Variants in NBPF9 observed in about 807,000 individuals in gnomAD.
The protein encoded by NBPF9 is NBPF member 9, also known as NBPF family member NBPF9.
A neutral mutation model predicts 97.8 loss-of-function variants in NBPF9; 91 were observed. That is an observed-to-expected ratio of 0.93 (90% CI 0.79 to 1.11). The LOEUF (loss-of-function observed/expected upper bound fraction) is 1.11. NBPF9 is among the 50% of genes least tolerant of loss of function. NBPF9 has a pLI of 0.00. For synonymous variants in NBPF9, 334 were observed against 359.5 expected (o/e 0.93, Z 0.80); for missense variants, 992 against 939.5 (o/e 1.06, Z -0.73).
intron 3 of NBPF9, among the ~76,000 whole-genome samples, chr1:149,100,997 T>C (rs1405498976): frequency 2.0e-5 from 3 of 150,468 alleles, no homozygotes; most frequent in Non-Finnish European, 4.4e-5. Context: ...CAGAAAAATG[T>C]GTTCATACTC....
At chr1:149,072,640 G>C in intron 14 of NBPF9, 78 bp downstream of exon 14, 1 of 1,521,582 alleles carries the variant, frequency 6.6e-7, no homozygotes. Flanking sequence ...TGATACAACT[G>C]TCATTGTGAA....
chr1:149,065,209 TCTGACAGACAACTC>T, intron 18 of NBPF9: 2 of 695,406 alleles, frequency 2.9e-6, no homozygotes, highest in Admixed American at 4.0e-5. Context: ...GATGAGCTGA[TCTGACAGACAACTC>T]CTGGGCATGT....
At chr1:149,071,021 T>C in exon 16 of NBPF9, 7 of 1,611,914 alleles carry the variant, frequency 4.3e-6, no homozygotes, top group Non-Finnish European at 5.9e-6. Context: ...TCAAATGTGA[T>C]TTTGGTTTTC....
Position 149,095,908 on chromosome 1 carries a change from T to C in NBPF9, c.-337+2530A>G, listed in dbSNP as rs1244945522. Among the ~76,000 whole-genome samples, 49 of 151,438 alleles carry C rather than the reference T, an allele frequency of 3.2e-4. No homozygotes were observed. In the South Asian group the frequency reaches 5.2e-3, roughly 16 times the overall value. ...TTAAGTTCATTCAAAATCCTGCACA[T>C]AAGTACTTGCAGCAATTTTATCATA... On this transcript the variant is annotated intron_variant, in intron 4 of 29. Coordinates refer to ENST00000584027, the Ensembl canonical transcript of NBPF9.
intron 7 of NBPF9, among the ~76,000 whole-genome samples, chr1:149,081,024 TTTC>T (rs1489824322): frequency 2.6e-5 from 4 of 151,938 alleles, no homozygotes; most frequent in African/African-American, 9.7e-5. Flanking sequence ...GGGTGTGATC[TTTC>T]TTCCTCTTTA....
exon 1 of NBPF9, chr1:149,103,437 A>T (rs1553244884): frequency 2.6e-5 from 4 of 152,284 alleles, no homozygotes; most frequent in Admixed American, 1.3e-4. Context: ...TTCACTCAGA[A>T]GCTCACGCTG....
chr1:149,059,246 G>C (rs1425687738), intron 25 of NBPF9, 149 bp from the exon 26 acceptor site: 2 of 457,776 alleles, frequency 4.4e-6, no homozygotes, highest in Admixed American at 7.0e-5. Flanking sequence ...CTTTAGGTTG[G>C]GATAGACCAG....
rs1168638663 is a variant in NBPF9 at position 149,076,660 on chromosome 1, G to A, written c.778+548C>T. On this transcript the variant is annotated intron_variant, in intron 11 of 29. Coordinates refer to ENST00000584027, the Ensembl canonical transcript of NBPF9. ...TGGGACTACAGGCGCCCACCACCACGCCCAGCTATTTTTTTTTTTTTGCAT... is the reference window on the plus strand; with the variant it reads ...TGGGACTACAGGCGCCCACCACCACACCCAGCTATTTTTTTTTTTTTGCAT... Among the ~76,000 whole-genome samples the A allele has an allele frequency of 5.5e-5, 8 of 145,790 alleles. No individual in the cohort carries two copies. The East Asian group carries it at 9.9e-4, about 18-fold the overall frequency.
chr1:149,062,274 G>A lies in NBPF9; in HGVS notation c.2079-9C>T, dbSNP rs587749334. ...GCAGCTCCCTGCTGAGCCTGGAAAA[G>A]TAGGAAAAAGTAAAGAATAAGCCAG... On this transcript the variant is annotated splice_polypyrimidine_tract_variant and intron_variant, in intron 21 of 29. Coordinates refer to ENST00000584027, the Ensembl canonical transcript of NBPF9. 6.6e-4 allele frequency: 436 copies of A among 660,262 alleles called. 2 individuals carry two copies. The Middle Eastern group carries it at 9.1e-3, about 14-fold the overall frequency. 40.9% of individuals were successfully genotyped at this position (660,262 alleles called of 1,614,324 possible). A position where few individuals can be genotyped will look rare whatever the true frequency, so the allele number is the denominator to read the frequency against.
At chr1:149,070,208 C>A (rs1406753872) in intron 16 of NBPF9, among the ~76,000 whole-genome samples, 2 of 150,720 alleles carry the variant, frequency 1.3e-5, no homozygotes, top group African/African-American at 4.9e-5. Flanking sequence ...GTGGTCCTAG[C>A]AACTCAGGAG....
rs587638122 is a variant in NBPF9 at position 149,075,490 on chromosome 1, G to A, written c.988+165C>T. 1.9e-4 allele frequency among the ~76,000 whole-genome samples: 29 copies of A among 152,246 alleles called. No individual in the cohort carries two copies. The South Asian group carries it at 5.6e-3, about 29-fold the overall frequency. On this transcript the variant is annotated intron_variant, in intron 12 of 29. Coordinates refer to ENST00000584027, the Ensembl canonical transcript of NBPF9. ...ACATGGAAAGTTGCTAAATACTTTG[G>A]TACCTCTGTCTTCCAACTTTGACAA...
At chr1:149,097,394 C>T (rs1330196429) in intron 4 of NBPF9, among the ~76,000 whole-genome samples, 1 of 152,140 alleles carries the variant, frequency 6.6e-6, no homozygotes, top group African/African-American at 2.4e-5. Context: ...CCCACTGTTG[C>T]CAGAAACACT....
At chr1:149,101,402 AAGTT>A (rs1435208300) in intron 2 of NBPF9, 23 bp from the exon 3 acceptor site, 7 of 148,248 alleles carry the variant, frequency 4.7e-5, no homozygotes, top group Non-Finnish European at 7.4e-5. Flanking sequence ...AGAAAAAAAA[AAGTT>A]AGAGAATCTC....
intron 16 of NBPF9, 129 bp downstream of exon 16, chr1:149,070,805 C>A: frequency 6.7e-7 from 1 of 1,490,790 alleles, no homozygotes; most frequent in Non-Finnish European, 9.3e-7. Context: ...ACAAAAAACT[C>A]CCTGATATCT....
Position 149,074,654 on chromosome 1 carries a change from C to T in NBPF9, c.989-784G>A, listed in dbSNP as rs1201113210. On this transcript the variant is annotated intron_variant, in intron 12 of 29. Coordinates refer to ENST00000584027, the Ensembl canonical transcript of NBPF9. Reference sequence around the variant, plus strand: ...CTTGGATGGAGCCCAGGAGACAGGCCCACGGTCCCTGCTCTGTACACTGCA... The same window carrying T: ...CTTGGATGGAGCCCAGGAGACAGGCTCACGGTCCCTGCTCTGTACACTGCA... Among the ~76,000 whole-genome samples, 10 of 151,194 alleles carry T rather than the reference C, an allele frequency of 6.6e-5. 1 individual carries two copies. The highest frequency in any genetic ancestry group is 1.2e-4 in the Non-Finnish European group (8 of 67,590).
intron 17 of NBPF9, among the ~76,000 whole-genome samples, chr1:149,068,804 C>G (rs1269020471): frequency 2.0e-5 from 3 of 149,666 alleles, no homozygotes; most frequent in African/African-American, 5.0e-5. Flanking sequence ...ACTCTCCACC[C>G]CAAATCAACA....
chr1:149,090,359 G>A (rs1201503580), intron 5 of NBPF9: 1 of 189,774 alleles, frequency 5.3e-6, no homozygotes, highest in African/African-American at 2.4e-5. Context: ...ACACTCTTGG[G>A]TTGCTGCACT....
chr1:149,079,179 C>A (rs1320510640), exon 9 of NBPF9: 50 of 1,191,500 alleles, frequency 4.2e-5, no homozygotes, highest in Non-Finnish European at 6.0e-5. Flanking sequence ...CCTTTAACTG[C>A]GTCAGCTCTC....
At chr1:149,079,403 G>T (rs1166914431) in intron 8 of NBPF9, among the ~76,000 whole-genome samples, 182 bp from the exon 9 acceptor site, 1 of 151,776 alleles carries the variant, frequency 6.6e-6, no homozygotes, top group Non-Finnish European at 1.5e-5. Context: ...GGCTTCCTCT[G>T]TATCAGAGAG....
Sources: allele counts gnomAD v4.1 joint callset (sites outside exome capture counted in the v4.1 genomes callset), GRCh38; gene constraint gnomAD v4.1.1; transcripts MANE v1.5; gene names NCBI Gene and HGNC (gene_info 2026-07-23, HGNC 2026-07-21).